The following TNPO3 variants were observed in gnomAD, a reference collection of about 807,000 sequenced individuals.
The protein encoded by TNPO3 is transportin 3, also known as transportin-3.
Under a neutral mutation model 122.8 loss-of-function variants are expected in TNPO3, and 65 were observed. The ratio of observed to expected loss-of-function variants is 0.53; its 90% CI spans 0.43 to 0.65. The LOEUF (loss-of-function observed/expected upper bound fraction) is 0.65, where lower values mean the gene tolerates loss of function less well. TNPO3 is among the 30% of genes least tolerant of loss of function. The probability of loss-of-function intolerance (pLI) is 0.00; values close to 1 mark genes in which losing one functional copy is unlikely to be tolerated. For synonymous variants in TNPO3, 372 were observed against 411.2 expected (o/e 0.90, Z 1.15); for missense variants, 850 against 1,136.7 (o/e 0.75, Z 3.63).
At chr7:128,958,137 CTTTTT>C (rs55683535) in intron 21 of TNPO3, among the ~76,000 whole-genome samples, 48 of 96,202 alleles carry the variant, frequency 5.0e-4, no homozygotes, top group Non-Finnish European at 7.8e-4. Flanking sequence ...GAAGCACTTC[CTTTTT>C]TTTTTTTTTT....
intron 1 of TNPO3, among the ~76,000 whole-genome samples, chr7:129,028,032 GA>G (rs1328615308): frequency 6.6e-6 from 1 of 152,132 alleles, no homozygotes; most frequent in Non-Finnish European, 1.5e-5. Flanking sequence ...CAGCAAAAGG[GA>G]AACTAGAAAT....
At chr7:128,985,143 C>T (rs1335163871) in intron 12 of TNPO3, among the ~76,000 whole-genome samples, 1 of 152,166 alleles carries the variant, frequency 6.6e-6, no homozygotes, top group African/African-American at 2.4e-5. Flanking sequence ...AGTAATTTAT[C>T]CCTAAACCTT....
rs958704388 is a variant in TNPO3 at position 128,971,706 on chromosome 7, T to G, written c.2430+720A>C. ...CTGCTTAGTTGTCTACTAACAAACT[T>G]AGTACTATTCTGACTTGCTCTGATC... On this transcript the variant is annotated intron_variant, in intron 19 of 22. Coordinates refer to ENST00000265388, the MANE Select transcript of TNPO3 (RefSeq NM_012470.4). 7.2e-5 allele frequency among the ~76,000 whole-genome samples: 11 copies of G among 152,320 alleles called. No homozygotes were observed. The East Asian group carries it at 2.1e-3, about 29-fold the overall frequency.
chr7:129,047,837 C>T (rs1808235040), intron 1 of TNPO3, among the ~76,000 whole-genome samples: 2 of 152,188 alleles, frequency 1.3e-5, no homozygotes, highest in South Asian at 2.1e-4. Flanking sequence ...AGTTAAAACA[C>T]GCTTTTGTTC....
rs73463007 is a variant in TNPO3 at position 128,957,022 on chromosome 7, C to T, written c.*31+202G>A. ...GGAGGTGAAAATGGTACCCCAAAGA[C>T]ACTGACAATTACTGGCTGCCCAGGC... On this transcript the variant is annotated intron_variant, in intron 22 of 22. Transcript: ENST00000265388. Among the ~76,000 whole-genome samples the T allele has an allele frequency of 1.6e-3, 250 of 152,314 alleles. 1 individual carries two copies. Among genetic ancestry groups the T allele is most frequent in the African/African-American group, 5.9e-3 (245 of 41,566 alleles).
At chr7:129,047,104 CT>C (rs1254824206) in intron 1 of TNPO3, among the ~76,000 whole-genome samples, 1 of 152,252 alleles carries the variant, frequency 6.6e-6, no homozygotes, top group Non-Finnish European at 1.5e-5. Context: ...TTTACTTCAT[CT>C]GCTTTGTGCT....
In TNPO3 at chr7:128,972,583, C is replaced by A; in HGVS notation, c.2274-1G>T. On this transcript the variant is annotated splice_acceptor_variant, in intron 18 of 22. Coordinates refer to ENST00000265388, the MANE Select transcript of TNPO3 (RefSeq NM_012470.4). LOFTEE classifies it high-confidence loss of function. Reference sequence around the variant, plus strand: ...GGTGACAGGGCTACGCTGAATAAACCTGGTGTGGAAAGTGAGACTAGGTAT... The same window carrying A: ...GGTGACAGGGCTACGCTGAATAAACATGGTGTGGAAAGTGAGACTAGGTAT... 1 of 1,612,636 alleles carries A rather than the reference C, an allele frequency of 6.2e-7. No individual in the cohort carries two copies. Among genetic ancestry groups the A allele is most frequent in the East Asian group, 2.2e-5 (1 of 44,844 alleles).
At chr7:128,969,472 AG>A (rs375557263) in intron 20 of TNPO3, among the ~76,000 whole-genome samples, 43,361 of 151,800 alleles carry the variant, frequency 0.29, 7,114 homozygotes, top group Middle Eastern at 0.38. Context: ...CTGCTTTTAC[AG>A]TAATATTAAA....
chr7:129,022,548 T>C (rs1228564608), intron 1 of TNPO3, among the ~76,000 whole-genome samples: 1 of 150,880 alleles, frequency 6.6e-6, no homozygotes, highest in Non-Finnish European at 1.5e-5. Context: ...GTATATCATA[T>C]ACCTAAAAAT....
intron 4 of TNPO3, 73 bp from the exon 5 acceptor site, chr7:129,005,232 A>G: frequency 7.4e-7 from 1 of 1,358,322 alleles, no homozygotes; most frequent in South Asian, 1.5e-5. Context: ...ATCACCTTAC[A>G]AGTATAATAA....
intron 1 of TNPO3, among the ~76,000 whole-genome samples, chr7:129,039,648 G>A (rs549882755): frequency 7.2e-5 from 11 of 152,196 alleles, no homozygotes; most frequent in East Asian, 3.9e-4. Context: ...ATTCACAAAC[G>A]ATAGCCAAAA....
At chr7:128,985,791 C>A (rs1236693481) in intron 12 of TNPO3, among the ~76,000 whole-genome samples, 1 of 151,958 alleles carries the variant, frequency 6.6e-6, no homozygotes, top group East Asian at 1.9e-4. Context: ...ACCCAAGGTA[C>A]AAAAAGAAAA....
chr7:129,051,681 T>C (rs1388899274), intron 1 of TNPO3, among the ~76,000 whole-genome samples: 1 of 152,046 alleles, frequency 6.6e-6, no homozygotes, highest in East Asian at 1.9e-4. Context: ...TCGCGCTCTG[T>C]CGCCCAGGCT....
chr7:129,033,974 A>G (rs1429530404), intron 1 of TNPO3, among the ~76,000 whole-genome samples: 1 of 152,032 alleles, frequency 6.6e-6, no homozygotes, highest in Non-Finnish European at 1.5e-5. Context: ...ACTGCAGCCA[A>G]CTGCAGCATT....
At chr7:128,986,341 T>C (rs1585335315) in intron 12 of TNPO3, among the ~76,000 whole-genome samples, 1 of 152,334 alleles carries the variant, frequency 6.6e-6, no homozygotes, top group African/African-American at 2.4e-5. Context: ...CCCTGACTTC[T>C]ACTCATGGCA....
Position 128,970,075 on chromosome 7 carries a change from G to C in TNPO3, c.2598+73C>G, listed in dbSNP as rs1034053312. On this transcript the variant is annotated intron_variant, in intron 20 of 22. Coordinates refer to ENST00000265388, the MANE Select transcript of TNPO3 (RefSeq NM_012470.4). ...AAAACAGGGCTAGTTTCAAAATTAGGGTTGGCCTTAAGGAACCAAAGCCTA... is the reference window on the plus strand; with the variant it reads ...AAAACAGGGCTAGTTTCAAAATTAGCGTTGGCCTTAAGGAACCAAAGCCTA... 5.7e-6 allele frequency: 9 copies of C among 1,579,934 alleles called. No individual in the cohort carries two copies. In the African/African-American group the frequency reaches 6.7e-5, roughly 12 times the overall value.
intron 18 of TNPO3, among the ~76,000 whole-genome samples, chr7:128,974,118 G>A (rs988828136): frequency 6.6e-6 from 1 of 151,724 alleles, no homozygotes; most frequent in African/African-American, 2.4e-5. Flanking sequence ...AGGTTGCAGT[G>A]AGCCGAGATC....
chr7:129,030,430 C>G (rs1457781043), intron 1 of TNPO3: 1 of 157,596 alleles, frequency 6.3e-6, no homozygotes, highest in African/African-American at 2.4e-5. Flanking sequence ...GATCTCCCAC[C>G]CCAAGTAGAG....
rs374776250 is a variant in TNPO3, at chr7:128,967,398, T to C, written c.2599-6A>G. ...TCTAACCATCGACAAAAAGTCTGTA[T>C]AGGAAAGAGGGGTAAGAGTTTTAAA... is the stretch of plus-strand genomic sequence containing the variant. On this transcript the variant is annotated splice_polypyrimidine_tract_variant and splice_region_variant and intron_variant, in intron 20 of 22. Transcript: ENST00000265388. 146 of 1,588,588 alleles carry C rather than the reference T, an allele frequency of 9.2e-5. No individual in the cohort carries two copies. Among genetic ancestry groups the C allele is most frequent in the Non-Finnish European group, 1.1e-4 (132 of 1,156,988 alleles).
Sources: gnomAD v4.1 joint callset for allele counts (sites outside exome capture counted in the v4.1 genomes callset) on GRCh38, gnomAD v4.1.1 for gene constraint, MANE v1.5 for transcripts, NCBI Gene and HGNC (gene_info 2026-07-23, HGNC 2026-07-21) for gene names.